The following ACYP2 variants were observed in gnomAD, a reference collection of about 807,000 sequenced individuals.
The protein encoded by ACYP2 is acylphosphatase 2.
ACYP2 carries 12 observed loss-of-function variants against 11.2 expected under a neutral mutation model. The ratio of observed to expected loss-of-function variants is 1.08; its 90% CI spans 0.69 to 1.74. ACYP2 has a LOEUF of 1.74. ACYP2 is among the 40% of genes most tolerant of loss of function. ACYP2 has a pLI of 0.00. For synonymous variants in ACYP2, 43 were observed against 32.2 expected (o/e 1.33, Z -1.13); for missense variants, 134 against 101.9 (o/e 1.31, Z -1.35).
chr2:54,003,145 C>T (rs1672881793), intron 2 of ACYP2, among the ~76,000 whole-genome samples: 1 of 151,906 alleles, frequency 6.6e-6, no homozygotes, highest in African/African-American at 2.4e-5. Flanking sequence ...GACAGGCTCT[C>T]ACCATGTTGG....
At chr2:53,986,626 G>A (rs58985250) in intron 2 of ACYP2, among the ~76,000 whole-genome samples, 13,635 of 148,208 alleles carry the variant, frequency 0.092, 774 homozygotes, top group East Asian at 0.28. Flanking sequence ...CACCAAACCC[G>A]GCCTTTTTTT....
chr2:53,995,465 TA>T, intron 2 of ACYP2, among the ~76,000 whole-genome samples: 1 of 147,836 alleles, frequency 6.8e-6, no homozygotes, highest in Non-Finnish European at 1.5e-5. Flanking sequence ...TCAATGCTAT[TA>T]TTTTTTATTT....
intron 6 of ACYP2, among the ~76,000 whole-genome samples, chr2:54,235,383 C>G (rs1281472732): frequency 6.6e-6 from 1 of 152,066 alleles, no homozygotes; most frequent in Non-Finnish European, 1.5e-5. Flanking sequence ...GAGTCTCGCT[C>G]TGTCACCCAG....
chr2:54,279,426 C>A (rs1042677307), intron 6 of ACYP2, among the ~76,000 whole-genome samples: 1 of 152,150 alleles, frequency 6.6e-6, no homozygotes, highest in Non-Finnish European at 1.5e-5. Context: ...TACTATCTGG[C>A]CTTTTATTGA....
chr2:54,061,229 A>T (rs1277582237), intron 4 of ACYP2, among the ~76,000 whole-genome samples: 1 of 152,186 alleles, frequency 6.6e-6, no homozygotes, highest in Admixed American at 6.5e-5. Flanking sequence ...TATGAAGATG[A>T]CTTTTATGTC....
Position 53,973,769 on chromosome 2 carries a change from G to T in ACYP2, c.21G>T (p.Leu7=). Reference sequence around the variant, plus strand: ...CAGCCATGTTGCTCACACAAAGCCTGTTTGGTGGTCTCTTCCCACGGACGC... The same window carrying T: ...CAGCCATGTTGCTCACACAAAGCCTTTTTGGTGGTCTCTTCCCACGGACGC... The change falls in exon 2 of 7, where the codon CTG becomes CTT. Residue 7 remains leucine, a synonymous_variant. Transcript: ENST00000607452. 1 of 348,930 alleles carries T rather than the reference G, an allele frequency of 2.9e-6. No homozygotes were observed. The highest frequency in any genetic ancestry group is 4.2e-5 in the East Asian group (1 of 23,778). 21.6% of individuals were successfully genotyped at this position (348,930 alleles called of 1,614,324 possible).
intron 6 of ACYP2, among the ~76,000 whole-genome samples, chr2:54,198,048 T>C (rs1423837486): frequency 6.6e-6 from 1 of 151,336 alleles, no homozygotes; most frequent in Non-Finnish European, 1.5e-5. Context: ...TAAGACAGTT[T>C]CACTTTTGTC....
chr2:53,991,747 C>G (rs762387463), intron 2 of ACYP2, among the ~76,000 whole-genome samples: 1 of 152,022 alleles, frequency 6.6e-6, no homozygotes, highest in Non-Finnish European at 1.5e-5. Flanking sequence ...TCACCCTGCT[C>G]CAGGCACTCC....
intron 6 of ACYP2, among the ~76,000 whole-genome samples, chr2:54,191,575 G>A (rs1684241169): frequency 1.3e-5 from 2 of 152,140 alleles, no homozygotes; most frequent in African/African-American, 4.8e-5. Context: ...ATAAAATGGG[G>A]ATAATAAATG....
At chr2:54,282,558 A>ACG in intron 6 of ACYP2, among the ~76,000 whole-genome samples, 1 of 152,252 alleles carries the variant, frequency 6.6e-6, no homozygotes, top group East Asian at 1.9e-4. Context: ...GTTTAAGAAA[A>ACG]CTTATTCACT....
intron 6 of ACYP2, among the ~76,000 whole-genome samples, chr2:54,149,743 G>A (rs1682060229): frequency 6.6e-6 from 1 of 152,134 alleles, no homozygotes; most frequent in Non-Finnish European, 1.5e-5. Context: ...TTATGTATCA[G>A]TCCTCTGCAC....
At chr2:54,144,413 C>T (rs944819959) in intron 6 of ACYP2, among the ~76,000 whole-genome samples, 6 of 152,108 alleles carry the variant, frequency 3.9e-5, no homozygotes, top group East Asian at 1.9e-4. Context: ...CGGTGGCTCA[C>T]GCCTGTAACC....
chr2:54,063,960 G>C (rs933771314), intron 4 of ACYP2, among the ~76,000 whole-genome samples: 59 of 152,160 alleles, frequency 3.9e-4, no homozygotes, highest in African/African-American at 1.3e-3. Flanking sequence ...GGTGTTGAAG[G>C]GGGAGGCAAA....
rs1689460076 is a variant in ACYP2 at position 54,294,948 on chromosome 2, A to C, written c.405-9740A>C. Among the ~76,000 whole-genome samples, 6 of 151,948 alleles carry C rather than the reference A, an allele frequency of 3.9e-5. No homozygotes were observed. The South Asian group carries it at 1.2e-3, about 32-fold the overall frequency. On this transcript the variant is annotated intron_variant, in intron 6 of 6. Coordinates refer to ENST00000607452, the MANE Select transcript of ACYP2 (RefSeq NM_001320586.2). The stretch of plus-strand genomic sequence containing the variant: ...AAAAAAGAGTAAAATATCCTGAGTT[A>C]ATACAATAAATACAATAGATGTTTG...
intron 6 of ACYP2, among the ~76,000 whole-genome samples, chr2:54,200,649 T>A (rs1259711383): frequency 6.6e-6 from 1 of 152,238 alleles, no homozygotes; most frequent in Non-Finnish European, 1.5e-5. Flanking sequence ...GTTGATCCAT[T>A]CATCAGTTGA....
intron 6 of ACYP2, among the ~76,000 whole-genome samples, chr2:54,163,625 G>C (rs1001362793): frequency 6.6e-6 from 1 of 152,062 alleles, no homozygotes; most frequent in Non-Finnish European, 1.5e-5. Flanking sequence ...GAGGCCTAGG[G>C]GGGTGGCTCA....
intron 6 of ACYP2, among the ~76,000 whole-genome samples, chr2:54,231,698 A>G (rs772610614): frequency 5.3e-5 from 8 of 152,190 alleles, no homozygotes; most frequent in Non-Finnish European, 8.8e-5. Context: ...AACAGCTATC[A>G]CTCATTGGCA....
At chr2:54,255,584 C>CGGGCCT in intron 6 of ACYP2, 1 of 1,613,444 alleles carries the variant, frequency 6.2e-7, no homozygotes, top group African/African-American at 1.3e-5. Context: ...GGCCCGGGCC[C>CGGGCCT]AGGCCCTGCC....
At chr2:54,041,091 C>CTCTT (rs532744057) in intron 2 of ACYP2, among the ~76,000 whole-genome samples, 22 of 129,082 alleles carry the variant, frequency 1.7e-4, no homozygotes, top group African/African-American at 6.1e-4. Context: ...TCCTCTCTCT[C>CTCTT]TCTTTCTTTC....
Sources: allele counts gnomAD v4.1 joint callset (sites outside exome capture counted in the v4.1 genomes callset), GRCh38; gene constraint gnomAD v4.1.1; transcripts MANE v1.5; gene names NCBI Gene and HGNC (gene_info 2026-07-23, HGNC 2026-07-21).